The following DGKB variants were observed in gnomAD, a reference collection of about 807,000 sequenced individuals.
The protein encoded by DGKB is 90 kDa diacylglycerol kinase.
Under a neutral mutation model 114.3 loss-of-function variants are expected in DGKB, and 67 were observed. The ratio of observed to expected loss-of-function variants is 0.59; its 90% CI spans 0.48 to 0.72. DGKB has a LOEUF of 0.72. Among genes scored for constraint, DGKB ranks in the 30% least tolerant of loss-of-function variants. The pLI, the probability that DGKB is intolerant of heterozygous loss-of-function variation, is 0.00. For synonymous variants in DGKB, 398 were observed against 323.1 expected, an observed-to-expected ratio of 1.23 and a Z score of -2.49; for missense variants, 907 against 975.2, an observed-to-expected ratio of 0.93 and a Z score of 0.93.
intron 5 of DGKB, among the ~76,000 whole-genome samples, chr7:14,720,387 C>T (rs953250697): frequency 3.3e-5 from 5 of 152,134 alleles, no homozygotes; most frequent in African/African-American, 1.2e-4. Flanking sequence ...TCACTGCAAC[C>T]TCTGCCTCCT....
At chr7:14,947,154 A>G (rs1193975338) in intron 1 of DGKB, among the ~76,000 whole-genome samples, 1 of 151,582 alleles carries the variant, frequency 6.6e-6, no homozygotes, top group African/African-American at 2.4e-5. Flanking sequence ...TTTTGAGATG[A>G]TTCACCTTCT....
At chr7:14,541,396 T>A (rs893907412) in intron 20 of DGKB, among the ~76,000 whole-genome samples, 1 of 152,194 alleles carries the variant, frequency 6.6e-6, no homozygotes, top group East Asian at 1.9e-4. Flanking sequence ...TTGTAGTTGA[T>A]ACAGCCTGCT....
At chr7:14,406,904 A>T (rs1384061830) in intron 21 of DGKB, among the ~76,000 whole-genome samples, 1 of 152,102 alleles carries the variant, frequency 6.6e-6, no homozygotes, top group African/African-American at 2.4e-5. Flanking sequence ...TTCAGAGAAG[A>T]CATAGAAATG....
At chr7:14,413,849 G>T (rs1272997174) in intron 21 of DGKB, among the ~76,000 whole-genome samples, 1 of 152,082 alleles carries the variant, frequency 6.6e-6, no homozygotes, top group Non-Finnish European at 1.5e-5. Flanking sequence ...CTATAAAGAG[G>T]AGGAACAACA....
chr7:14,804,223 A>G (rs1376202307), intron 2 of DGKB, among the ~76,000 whole-genome samples: 4 of 151,818 alleles, frequency 2.6e-5, no homozygotes, highest in Non-Finnish European at 5.9e-5. Context: ...AATTTGCTTG[A>G]CAATTTTGGA....
chr7:14,612,920 C>T (rs1291865769), intron 16 of DGKB, among the ~76,000 whole-genome samples: 1 of 151,996 alleles, frequency 6.6e-6, no homozygotes, highest in East Asian at 1.9e-4. Flanking sequence ...ATCATGTTCT[C>T]CAAAATGCAC....
intron 23 of DGKB, among the ~76,000 whole-genome samples, chr7:14,302,675 C>T (rs990511076): frequency 5.3e-5 from 8 of 151,924 alleles, no homozygotes; most frequent in African/African-American, 1.9e-4. Flanking sequence ...ATCCTTCAGC[C>T]CCCTATTAAT....
chr7:14,257,828 G>A (rs1010942784), intron 23 of DGKB, among the ~76,000 whole-genome samples: 2 of 152,172 alleles, frequency 1.3e-5, no homozygotes, highest in African/African-American at 4.8e-5. Flanking sequence ...CCGGGTTCAA[G>A]CAATTCTCCT....
Position 14,925,414 on chromosome 7 carries a change from T to G in DGKB, c.-188+49282A>C, listed in dbSNP as rs186331626. Among the ~76,000 whole-genome samples the G allele has an allele frequency of 3.6e-3, 547 of 152,302 alleles. 2 individuals carry two copies. Among genetic ancestry groups the G allele is most frequent in the Non-Finnish European group, 5.6e-3 (379 of 68,002 alleles). ...GATTTTTACTGATGAGTTTGGAGATTTTTAAAATGTATTCCAGATGCAAGG... is the reference window on the plus strand; with the variant it reads ...GATTTTTACTGATGAGTTTGGAGATGTTTAAAATGTATTCCAGATGCAAGG... On this transcript the variant is annotated intron_variant, in intron 1 of 4. Coordinates refer to the DGKB transcript ENST00000437998.
chr7:14,856,573 T>C (rs1028964913), intron 1 of DGKB, among the ~76,000 whole-genome samples: 3 of 152,172 alleles, frequency 2.0e-5, no homozygotes, highest in Admixed American at 1.3e-4. Flanking sequence ...TTGCATTTTT[T>C]ACTCAAGTTT....
At chr7:14,203,122 A>C (rs1205676718) in intron 23 of DGKB, among the ~76,000 whole-genome samples, 1 of 138,542 alleles carries the variant, frequency 7.2e-6, no homozygotes, top group African/African-American at 2.8e-5. Flanking sequence ...ATGTGCGAAT[A>C]ATCTCTACTT....
intron 20 of DGKB, among the ~76,000 whole-genome samples, chr7:14,545,159 T>C (rs1376393774): frequency 1.3e-5 from 2 of 152,138 alleles, no homozygotes. Flanking sequence ...TATGCTGTGA[T>C]AACGATTAAG....
intron 8 of DGKB, among the ~76,000 whole-genome samples, chr7:14,696,131 A>C (rs1177956438): frequency 6.6e-6 from 1 of 152,022 alleles, no homozygotes; most frequent in Non-Finnish European, 1.5e-5. Context: ...TCTCAAATCT[A>C]CAAACACACC....
At chr7:14,828,556 G>A (rs112269569) in intron 2 of DGKB, among the ~76,000 whole-genome samples, 11 of 152,076 alleles carry the variant, frequency 7.2e-5, no homozygotes, top group Non-Finnish European at 1.2e-4. Flanking sequence ...CCTGCTACCA[G>A]TACTATCTGA....
intron 4 of DGKB, among the ~76,000 whole-genome samples, chr7:14,740,326 G>A (rs2128410489): frequency 6.6e-6 from 1 of 151,790 alleles, no homozygotes; most frequent in South Asian, 2.1e-4. Flanking sequence ...GATTGGCAGG[G>A]ACCACAGTTG....
At chr7:14,613,071 G>A (rs1805854098) in intron 16 of DGKB, among the ~76,000 whole-genome samples, 3 of 152,078 alleles carry the variant, frequency 2.0e-5, no homozygotes. Context: ...TATGAAGCCA[G>A]ACTCTTTGTT....
At chr7:14,244,047 GAGAGAGGGAGA>G (rs1298292718) in intron 23 of DGKB, among the ~76,000 whole-genome samples, 8 of 139,448 alleles carry the variant, frequency 5.7e-5, no homozygotes, top group African/African-American at 2.0e-4. Context: ...CAGAGAGAGA[GAGAGAGGGAGA>G]GAGAGAGAGA....
intron 2 of DGKB, among the ~76,000 whole-genome samples, chr7:14,800,141 C>G (rs1355335580): frequency 6.6e-6 from 1 of 152,140 alleles, no homozygotes; most frequent in African/African-American, 2.4e-5. Context: ...TGGTCTCAAT[C>G]TCTTGACCTC....
At chr7:14,972,887 C>T (rs527460876) in intron 1 of DGKB, among the ~76,000 whole-genome samples, 3 of 152,016 alleles carry the variant, frequency 2.0e-5, no homozygotes, top group East Asian at 1.9e-4. Flanking sequence ...TGTGTGTTTG[C>T]GTATGTGTGT....
Sources: allele counts gnomAD v4.1 joint callset (sites outside exome capture counted in the v4.1 genomes callset), GRCh38; gene constraint gnomAD v4.1.1; transcripts MANE v1.5; gene names NCBI Gene and HGNC (gene_info 2026-07-23, HGNC 2026-07-21).